BAIAP2: variants seen among roughly 807,000 people sequenced by gnomAD.
BAIAP2 encodes the protein BAR/IMD domain containing adaptor protein 2, also known as BAR/IMD domain-containing adapter protein 2.
A neutral mutation model predicts 63.0 loss-of-function variants in BAIAP2; 18 were observed. The ratio of observed to expected loss-of-function variants is 0.29; its 90% confidence interval spans 0.20 to 0.42. The LOEUF is 0.42. BAIAP2 is among the 10% of genes least tolerant of loss of function. The pLI is 1.00. For missense variants in BAIAP2, 610 were observed against 734.3 expected, an observed-to-expected ratio of 0.83 and a Z score of 1.96; for synonymous variants, 386 against 307.6, an observed-to-expected ratio of 1.25 and a Z score of -2.67.
At chr17:81,043,176 C>T (rs1179649447) in intron 1 of BAIAP2, among the ~76,000 whole-genome samples, 1 of 152,180 alleles carries the variant, frequency 6.6e-6, no homozygotes, top group African/African-American at 2.4e-5. Flanking sequence ...CTAGGTGGGG[C>T]TTTTAAACCA....
chr17:81,080,924 C>T (rs1300184309), intron 3 of BAIAP2, among the ~76,000 whole-genome samples: 1 of 152,234 alleles, frequency 6.6e-6, no homozygotes, highest in Non-Finnish European at 1.5e-5. Context: ...TTTTGCTTCA[C>T]CTCTTTGTGA....
intron 3 of BAIAP2, among the ~76,000 whole-genome samples, chr17:81,068,357 C>T (rs950293664): frequency 6.6e-6 from 1 of 152,222 alleles, no homozygotes; most frequent in Non-Finnish European, 1.5e-5. Context: ...CTCGGGCACG[C>T]GTGAGGAACT....
In BAIAP2 at chr17:81,064,954, A is replaced by G. The variant is rs565371300; in HGVS notation, c.217+6987A>G. 3.0e-3 allele frequency among the ~76,000 whole-genome samples: 456 copies of G among 152,216 alleles called. 4 individuals are homozygous for G. The highest frequency in any genetic ancestry group is 0.011 in the African/African-American group (439 of 41,520). ...CCTTCTAATCCCCTAGCCGGCAGCC[A>G]CCCACACTTGGCTGTCTGCTGGCTG... On this transcript the variant is annotated intron_variant, in intron 3 of 13. Transcript: ENST00000428708.
chr17:81,083,785 G>A (rs867892624), intron 3 of BAIAP2: 2 of 152,302 alleles, frequency 1.3e-5, no homozygotes, highest in African/African-American at 2.4e-5. Context: ...TCACAGCTCC[G>A]AGGGAGCTTT....
intron 6 of BAIAP2, chr17:81,097,982 T>G (rs1598766676): frequency 1.6e-6 from 1 of 608,092 alleles, no homozygotes; most frequent in Non-Finnish European, 2.4e-6. Context: ...CGGGCTGGGG[T>G]TCTGGAATCG....
intron 3 of BAIAP2, among the ~76,000 whole-genome samples, chr17:81,064,196 C>G (rs185292860): frequency 3.3e-5 from 5 of 152,258 alleles, no homozygotes; most frequent in African/African-American, 1.2e-4. Context: ...TTTTCTTTCC[C>G]ATGTGGCACC....
At position 81,064,732 on chromosome 17, in the gene BAIAP2, A is replaced by G. The variant is rs59001559; in HGVS notation, c.217+6765A>G. Among the ~76,000 whole-genome samples the G allele has an allele frequency of 3.9e-3, 592 of 152,300 alleles. 3 individuals carry two copies. Among genetic ancestry groups the G allele is most frequent in the African/African-American group, 0.014 (567 of 41,554 alleles). ...ACCTGTGGCTCTGGCCGTCTGGCAC[A>G]CAGCTGGGGAGGCAGCCTCGGGCTT... is the stretch of plus-strand genomic sequence containing the variant. On this transcript the variant is annotated intron_variant, in intron 3 of 13. Coordinates refer to ENST00000428708, the MANE Select transcript of BAIAP2 (RefSeq NM_001144888.2).
Position 81,103,606 on chromosome 17 carries a change from C to T in BAIAP2, c.747C>T (p.Ser249=). Reference sequence around the variant, plus strand: ...TGCAGCTCATGCAGCAGGTGGCCAGCAACGGCGCCACCCTCCCCAGCGCCC... The same window carrying T: ...TGCAGCTCATGCAGCAGGTGGCCAGTAACGGCGCCACCCTCCCCAGCGCCC... The part of the protein sequence containing the change: ...RAVQLMQQVA[S]NGATLPSALS... Residue 249 remains serine, a synonymous_variant, in exon 8 of 14, where the codon AGC becomes AGT. Coordinates refer to ENST00000428708, the MANE Select transcript of BAIAP2 (RefSeq NM_001144888.2). The T allele has an allele frequency of 6.2e-7, 1 of 1,605,260 alleles. No homozygotes were observed.
rs368554004 is a variant in BAIAP2, at chr17:81,053,787, A to G, written c.130+44A>G. 7.8e-5 allele frequency: 124 copies of G among 1,594,788 alleles called. 1 individual carries two copies. In the African/African-American group the frequency reaches 1.2e-3, roughly 16 times the overall value. ...CCCGTGGGGTGGGAGCTGCCTCCTG[A>G]GCTGGTAGAACTGCGCCCGGGCCCC... On this transcript the variant is annotated intron_variant, in intron 2 of 13. Transcript: ENST00000428708.
intron 13 of BAIAP2, chr17:81,111,107 C>A: frequency 1.1e-6 from 1 of 934,288 alleles, no homozygotes; most frequent in Non-Finnish European, 1.6e-6. Flanking sequence ...ACTCTGGGTG[C>A]TGGGCCTTCT....
intron 3 of BAIAP2, among the ~76,000 whole-genome samples, chr17:81,078,312 G>A (rs1277184862): frequency 4.8e-5 from 7 of 145,886 alleles, no homozygotes; most frequent in East Asian, 2.1e-4. Context: ...CAGTGGGTGC[G>A]GGTGCCGTAT....
Position 81,085,689 on chromosome 17 carries a change from G to A in BAIAP2, c.315G>A (p.Leu105=), listed in dbSNP as rs1047773119. ...TTCACAACGAGCTGCTTACGCAGCTGGAGCAGAAGGTGGAGCTGGACTCCA... is the reference window on the plus strand; with the variant it reads ...TTCACAACGAGCTGCTTACGCAGCTAGAGCAGAAGGTGGAGCTGGACTCCA... ...KSFHNELLTQ[L]EQKVELDSRY... Residue 105 remains leucine (L), a synonymous_variant, in exon 5 of 14, where the codon CTG becomes CTA. Transcript: ENST00000428708. 9 of 1,613,866 alleles carry A rather than the reference G, an allele frequency of 5.6e-6. 1 individual carries two copies. The South Asian group carries it at 9.9e-5, about 18-fold the overall frequency.
At chr17:81,054,375 T>C (rs2049131546) in intron 2 of BAIAP2, among the ~76,000 whole-genome samples, 3 of 152,164 alleles carry the variant, frequency 2.0e-5, no homozygotes, top group African/African-American at 4.8e-5. Context: ...GCAGATGGAC[T>C]TGGGCACAGC....
intron 3 of BAIAP2, among the ~76,000 whole-genome samples, chr17:81,061,531 T>G (rs561101403): frequency 3.9e-5 from 6 of 152,320 alleles, no homozygotes; most frequent in African/African-American, 1.4e-4. Flanking sequence ...ACGGCGTGTC[T>G]TCTTTTTTTG....
chr17:81,068,520 G>A (rs1431796541), intron 3 of BAIAP2, among the ~76,000 whole-genome samples: 1 of 152,214 alleles, frequency 6.6e-6, no homozygotes, highest in East Asian at 1.9e-4. Context: ...ACCAGAAGCC[G>A]CTCCTGAATC....
At chr17:81,057,650 T>A (rs2049816127) in intron 2 of BAIAP2, 2 of 1,329,614 alleles carry the variant, frequency 1.5e-6, no homozygotes, top group Non-Finnish European at 1.9e-6. Context: ...CCTGAACTGG[T>A]ACGTTGTGTT....
chr17:81,061,176 T>C (rs936924458), intron 3 of BAIAP2, among the ~76,000 whole-genome samples: 5 of 152,258 alleles, frequency 3.3e-5, no homozygotes, highest in African/African-American at 1.2e-4. Flanking sequence ...AGATGTGGAC[T>C]TAGCCTTTTT....
chr17:81,080,367 G>A (rs4969380), intron 3 of BAIAP2, among the ~76,000 whole-genome samples: 23,688 of 152,272 alleles, frequency 0.16, 2,423 homozygotes, highest in Non-Finnish European at 0.22. Context: ...TTGTGCAGCC[G>A]CCGCTCGAAG....
intron 1 of BAIAP2, among the ~76,000 whole-genome samples, chr17:81,048,210 C>G (rs1285873346): frequency 2.0e-5 from 3 of 152,046 alleles, no homozygotes; most frequent in Middle Eastern, 3.2e-3. Flanking sequence ...CATGGTGAAA[C>G]CCCGTCTCTA....
Sources: allele counts gnomAD v4.1 joint callset (sites outside exome capture counted in the v4.1 genomes callset), GRCh38; gene constraint gnomAD v4.1.1; transcripts MANE v1.5; gene names NCBI Gene and HGNC (gene_info 2026-07-23, HGNC 2026-07-21).